The following TRIM2 variants were observed in gnomAD, a reference collection of about 807,000 sequenced individuals.
The protein encoded by TRIM2 is tripartite motif-containing protein 2.
In TRIM2, 20 loss-of-function variants were observed where a neutral mutation model predicts 75.2. That is an observed-to-expected ratio of 0.27 (90% confidence interval 0.19 to 0.39). The LOEUF (loss-of-function observed/expected upper bound fraction) is 0.39, where lower values mean the gene tolerates loss of function less well. TRIM2 is among the 10% of genes least tolerant of loss of function. The pLI, the probability that TRIM2 is intolerant of heterozygous loss-of-function variation, is 1.00. For missense variants in TRIM2, 660 were observed against 990.8 expected, an observed-to-expected ratio of 0.67 and a Z score of 4.48; for synonymous variants, 373 against 388.3, an observed-to-expected ratio of 0.96 and a Z score of 0.46.
intron 11 of TRIM2, among the ~76,000 whole-genome samples, chr4:153,333,023 G>A (rs1253136482): frequency 6.6e-6 from 1 of 152,138 alleles, no homozygotes; most frequent in Non-Finnish European, 1.5e-5. Flanking sequence ...GTACATTGTT[G>A]TTCATAGAAG....
At chr4:153,287,766 T>C (rs1445468049) in intron 3 of TRIM2, among the ~76,000 whole-genome samples, 2 of 152,254 alleles carry the variant, frequency 1.3e-5, no homozygotes, top group Non-Finnish European at 2.9e-5. Flanking sequence ...TAGATTATGC[T>C]GTTTTATGCA....
At chr4:153,225,333 A>G (rs907839302) in intron 1 of TRIM2, among the ~76,000 whole-genome samples, 4 of 152,222 alleles carry the variant, frequency 2.6e-5, no homozygotes, top group East Asian at 1.9e-4. Flanking sequence ...TGATGCTGCT[A>G]CTAATGATGA....
chr4:153,225,367 C>A (rs1037954008), intron 1 of TRIM2, among the ~76,000 whole-genome samples: 1 of 152,112 alleles, frequency 6.6e-6, no homozygotes, highest in Non-Finnish European at 1.5e-5. Context: ...GATGGTTTTC[C>A]TTTTTGGTTT....
At chr4:153,160,247 G>A (rs1365259980) in intron 1 of TRIM2, among the ~76,000 whole-genome samples, 1 of 152,124 alleles carries the variant, frequency 6.6e-6, no homozygotes, top group African/African-American at 2.4e-5. Context: ...TTATAATTGA[G>A]TAGAGTAAGC....
At chr4:153,256,684 A>G (rs1482506328) in intron 1 of TRIM2, among the ~76,000 whole-genome samples, 2 of 152,250 alleles carry the variant, frequency 1.3e-5, no homozygotes, top group African/African-American at 4.8e-5. Context: ...TTATTTGTCA[A>G]GTTTCTCAAC....
chr4:153,229,431 A>T (rs1187383408), intron 1 of TRIM2, among the ~76,000 whole-genome samples: 1 of 151,946 alleles, frequency 6.6e-6, no homozygotes, highest in African/African-American at 2.4e-5. Flanking sequence ...TAATTTTTGT[A>T]TTTTTTGGTA....
At chr4:153,284,115 G>A (rs1182323343) in intron 3 of TRIM2, among the ~76,000 whole-genome samples, 2 of 151,636 alleles carry the variant, frequency 1.3e-5, no homozygotes, top group African/African-American at 4.8e-5. Flanking sequence ...CTGACCTCAG[G>A]TGATCCGCCC....
intron 3 of TRIM2, among the ~76,000 whole-genome samples, chr4:153,278,314 A>G (rs1201027350): frequency 6.6e-6 from 1 of 152,152 alleles, no homozygotes; most frequent in African/African-American, 2.4e-5. Context: ...GGGTCTCACT[A>G]TGTTGCCAAG....
chr4:153,277,986 G>A (rs1182666676), intron 3 of TRIM2, among the ~76,000 whole-genome samples: 5 of 152,186 alleles, frequency 3.3e-5, no homozygotes, highest in African/African-American at 1.2e-4. Context: ...ACTAGTTATG[G>A]GAAGGTATTT....
At chr4:153,290,839 G>A (rs181124017) in intron 3 of TRIM2, among the ~76,000 whole-genome samples, 26 of 152,132 alleles carry the variant, frequency 1.7e-4, no homozygotes, top group Admixed American at 7.2e-4. Flanking sequence ...GTGGTTCCCC[G>A]GCTGGTCTCA....
Position 153,313,511 on chromosome 4 carries a change from A to G in TRIM2, c.1511-1974A>G, listed in dbSNP as rs142904710. The stretch of plus-strand genomic sequence containing the variant: ...TAAACCCAAAAATCTGTTTCAGACA[A>G]GTCTATTCCCAAACAGTGCTTAAGC... On this transcript the variant is annotated intron_variant, in intron 6 of 11. Transcript: ENST00000338700. Among the ~76,000 whole-genome samples, 936 of 152,174 alleles carry G rather than the reference A, an allele frequency of 6.2e-3. 14 individuals are homozygous for G. The highest frequency in any genetic ancestry group is 0.021 in the African/African-American group (882 of 41,444).
Position 153,263,680 on chromosome 4 carries a change from A to G in TRIM2, c.31-6655A>G, listed in dbSNP as rs59417648. Reference sequence around the variant, plus strand: ...GTCGGAAGGCTTAGTTCCAGCTGCTATAACAAAAATGCCATGGATTGGATG... The same window carrying G: ...GTCGGAAGGCTTAGTTCCAGCTGCTGTAACAAAAATGCCATGGATTGGATG... On this transcript the variant is annotated intron_variant, in intron 1 of 11. Coordinates refer to ENST00000338700, the MANE Select transcript of TRIM2 (RefSeq NM_015271.5). Among the ~76,000 whole-genome samples the G allele has an allele frequency of 9.5e-3, 1,440 of 152,336 alleles. 20 individuals carry two copies. The highest frequency in any genetic ancestry group is 0.031 in the African/African-American group (1,274 of 41,570).
chr4:153,294,658 G>A (rs189983812), intron 5 of TRIM2, among the ~76,000 whole-genome samples, 173 bp downstream of exon 5: 1 of 152,072 alleles, frequency 6.6e-6, no homozygotes, highest in Non-Finnish European at 1.5e-5. Flanking sequence ...AGCAAAATTC[G>A]ATGACTCTGT....
intron 6 of TRIM2, among the ~76,000 whole-genome samples, chr4:153,300,813 G>C (rs371066201): frequency 2.2e-4 from 33 of 151,638 alleles, no homozygotes; most frequent in Middle Eastern, 3.4e-3. Context: ...TTTATATACT[G>C]GTTGGCCATT....
intron 1 of TRIM2, among the ~76,000 whole-genome samples, chr4:153,255,228 G>A (rs899674946): frequency 3.9e-5 from 6 of 152,128 alleles, no homozygotes; most frequent in Non-Finnish European, 7.3e-5. Context: ...TGGAACACAT[G>A]ACACTCAACA....
At chr4:153,177,833 A>G (rs1731629525) in intron 1 of TRIM2, among the ~76,000 whole-genome samples, 1 of 146,428 alleles carries the variant, frequency 6.8e-6, no homozygotes, top group African/African-American at 2.5e-5. Context: ...TGGAGTCTCG[A>G]TCTTGTCACC....
At chr4:153,206,807 C>A (rs970154095) in intron 1 of TRIM2, among the ~76,000 whole-genome samples, 6 of 152,148 alleles carry the variant, frequency 3.9e-5, no homozygotes, top group Non-Finnish European at 8.8e-5. Context: ...AATCTGGGAG[C>A]CCTCAGTCGT....
At position 153,204,907 on chromosome 4, in the gene TRIM2, G is replaced by A. The variant is rs150263761; in HGVS notation, c.30+347G>A. ...GGTAGTCACAGTCAGGAGCTTAGCTGGGCCTCTCCGGGGTTTCTGTAAGCC... is the reference window on the plus strand; with the variant it reads ...GGTAGTCACAGTCAGGAGCTTAGCTAGGCCTCTCCGGGGTTTCTGTAAGCC... On this transcript the variant is annotated intron_variant, in intron 1 of 11. Transcript: ENST00000338700. Among the ~76,000 whole-genome samples the A allele has an allele frequency of 1.4e-3, 211 of 152,284 alleles. 3 individuals carry two copies. The highest frequency in any genetic ancestry group is 5.0e-3 in the African/African-American group (207 of 41,556).
Position 153,295,550 on chromosome 4 carries a change from C to T in TRIM2, c.1024C>T (p.Leu342Phe). ...GGGGCTGAAGAAGTCCATCCACAAC[C>T]TCGGGACGATCTTAACCACCAACGC... ...TEGLKKSIHN[L>F]GTILTTNAVA... is the part of the protein sequence containing the mutation. The change falls in exon 6 of 12, where the codon CTC (leucine) becomes TTC (phenylalanine). Residue 342 changes from leucine (L) to phenylalanine (F), a missense_variant. Around this residue, in one of 2 missense-constraint regions of TRIM2, gnomAD observed 620 missense variants for 891.0 expected, o/e 0.70. Coordinates refer to ENST00000338700, the MANE Select transcript of TRIM2 (RefSeq NM_015271.5). This position sits in a 1 kb window ranked among gnomAD's most constrained non-coding sequence, Gnocchi z 7.2. The T allele has an allele frequency of 6.2e-7, 1 of 1,613,412 alleles. No homozygotes were observed. The highest frequency in any genetic ancestry group is 1.1e-5 in the South Asian group (1 of 90,998).
Sources: gnomAD v4.1 joint callset for allele counts (sites outside exome capture counted in the v4.1 genomes callset) on GRCh38, gnomAD v4.1.1 for gene constraint, gnomAD v4.1.1 regional missense constraint, Gnocchi (gnomAD v3.1) non-coding constraint, MANE v1.5 for transcripts, NCBI Gene and HGNC (gene_info 2026-07-23, HGNC 2026-07-21) for gene names.